RBFOX1: variants seen among roughly 807,000 people sequenced by gnomAD.
RBFOX1 encodes RNA binding protein fox-1 homolog 1.
A neutral mutation model predicts 57.7 loss-of-function variants in RBFOX1; 8 were observed. That is an observed-to-expected ratio of 0.14 (90% CI 0.08 to 0.25). RBFOX1 has a LOEUF of 0.25. Among genes scored for constraint, RBFOX1 ranks in the 10% least tolerant of loss-of-function variants. The pLI is 1.00. For missense variants in RBFOX1, 611 were observed against 548.5 expected (o/e 1.11, Z -1.14); for synonymous variants, 326 against 222.4 (o/e 1.47, Z -4.15).
At chr16:5,841,548 C>T (rs769595445) in intron 3 of RBFOX1, among the ~76,000 whole-genome samples, 1 of 152,206 alleles carries the variant, frequency 6.6e-6, no homozygotes, top group African/African-American at 2.4e-5. Context: ...TGGACACGTA[C>T]AACCAAACAT....
intron 2 of RBFOX1, among the ~76,000 whole-genome samples, chr16:6,558,959 T>C (rs960372110): frequency 1.3e-5 from 2 of 152,084 alleles, no homozygotes; most frequent in South Asian, 4.2e-4. Context: ...TACTTCTCCT[T>C]TCACTCTCTA....
intron 4 of RBFOX1, among the ~76,000 whole-genome samples, chr16:5,895,475 G>C (rs143341415): frequency 6.6e-6 from 1 of 152,216 alleles, no homozygotes; most frequent in African/African-American, 2.4e-5. Context: ...GAAAACGTAC[G>C]TGATTGAAAT....
chr16:6,426,483 A>G (rs2093932037), intron 2 of RBFOX1, among the ~76,000 whole-genome samples: 4 of 152,070 alleles, frequency 2.6e-5, no homozygotes, highest in Admixed American at 2.0e-4. Context: ...GGACTAAAAT[A>G]GGCCTGGTGT....
chr16:5,440,151 G>A (rs545931948), intron 1 of RBFOX1, among the ~76,000 whole-genome samples: 1 of 152,348 alleles, frequency 6.6e-6, no homozygotes, highest in South Asian at 2.1e-4. Flanking sequence ...AAGACCACTT[G>A]TAAAACTAAG....
At chr16:6,717,811 T>G (rs1384572208) in intron 3 of RBFOX1, among the ~76,000 whole-genome samples, 1 of 152,184 alleles carries the variant, frequency 6.6e-6, no homozygotes, top group African/African-American at 2.4e-5. Flanking sequence ...TATTGGGTAC[T>G]TCAGGCATTC....
intron 4 of RBFOX1, among the ~76,000 whole-genome samples, chr16:5,879,777 T>A (rs1311140290): frequency 1.3e-5 from 2 of 152,234 alleles, no homozygotes; most frequent in Non-Finnish European, 2.9e-5. Flanking sequence ...TCTATCCATC[T>A]GTTGACCTCG....
intron 4 of RBFOX1, among the ~76,000 whole-genome samples, chr16:7,110,187 CAAAAAA>C (rs59148096): frequency 1.5e-5 from 2 of 135,188 alleles, no homozygotes; most frequent in Admixed American, 7.5e-5. Context: ...CCCCGTGTCT[CAAAAAA>C]AAAAAAAAAA....
intron 3 of RBFOX1, among the ~76,000 whole-genome samples, chr16:7,008,492 A>C (rs753484370): frequency 3.7e-4 from 56 of 152,166 alleles, no homozygotes; most frequent in Non-Finnish European, 6.8e-4. Flanking sequence ...GTGATCTGAG[A>C]TCATACCACT....
intron 1 of RBFOX1, among the ~76,000 whole-genome samples, chr16:6,102,067 A>G (rs1261466998): frequency 6.6e-6 from 1 of 151,058 alleles, no homozygotes; most frequent in Non-Finnish European, 1.5e-5. Context: ...TTTGTTTCCT[A>G]TGTGTGTAGC....
intron 10 of RBFOX1, among the ~76,000 whole-genome samples, chr16:7,612,763 C>T (rs1359432963): frequency 5.3e-5 from 8 of 152,042 alleles, no homozygotes; most frequent in South Asian, 2.1e-4. Flanking sequence ...GTTGTCAGCA[C>T]GGGGCTGTCA....
chr16:5,538,156 T>A (rs2044774961), intron 2 of RBFOX1, among the ~76,000 whole-genome samples: 1 of 152,162 alleles, frequency 6.6e-6, no homozygotes. Flanking sequence ...AGGTCTGTAA[T>A]CTAGGGGGAG....
chr16:6,394,019 A>C (rs1365363021), intron 2 of RBFOX1, among the ~76,000 whole-genome samples: 2 of 152,204 alleles, frequency 1.3e-5, no homozygotes, highest in African/African-American at 4.8e-5. Flanking sequence ...TTAGAAGACT[A>C]TACTAAATTG....
intron 3 of RBFOX1, among the ~76,000 whole-genome samples, chr16:5,865,789 G>T (rs990501914): frequency 6.6e-6 from 1 of 152,166 alleles, no homozygotes; most frequent in Non-Finnish European, 1.5e-5. Flanking sequence ...TGGAGCCTGA[G>T]AGTTCAAGAT....
intron 3 of RBFOX1, among the ~76,000 whole-genome samples, chr16:6,696,687 A>G (rs912577561): frequency 8.9e-5 from 4 of 44,694 alleles, no homozygotes; most frequent in African/African-American, 2.3e-4. Flanking sequence ...TTATATCTCA[A>G]AGGAGATTTT....
chr16:6,132,243 C>T (rs1390969717), intron 1 of RBFOX1, among the ~76,000 whole-genome samples: 20 of 152,126 alleles, frequency 1.3e-4, no homozygotes, highest in Non-Finnish European at 8.8e-5. Context: ...GCAAGTATTC[C>T]CTTGGCTCTT....
chr16:6,724,688 A>G lies in RBFOX1; in HGVS notation c.-16+70038A>G, dbSNP rs1207564962. Among the ~76,000 whole-genome samples, 4 of 152,178 alleles carry G rather than the reference A, an allele frequency of 2.6e-5. No individual in the cohort carries two copies. In the East Asian group the frequency reaches 7.7e-4, roughly 29 times the overall value. On this transcript the variant is annotated intron_variant, in intron 3 of 15. Transcript: ENST00000550418. ...AGACTAAGACTGCCTCAAAGTCAAC[A>G]TTTAAGAGTTCAGATTAGACCATAT...
chr16:6,014,533 A>G (rs2094981654), upstream of RBFOX1, among the ~76,000 whole-genome samples: 1 of 152,144 alleles, frequency 6.6e-6, no homozygotes, highest in African/African-American at 2.4e-5. Context: ...AGCAATCAAT[A>G]ACTATATATT....
intron 3 of RBFOX1, among the ~76,000 whole-genome samples, chr16:6,887,165 T>C (rs1485293510): frequency 3.3e-5 from 5 of 152,314 alleles, no homozygotes; most frequent in African/African-American, 1.2e-4. Context: ...CTTCTTGTTA[T>C]TGTTGGTATA....
chr16:5,336,603 T>C (rs1444082733), intron 1 of RBFOX1, among the ~76,000 whole-genome samples: 2 of 152,202 alleles, frequency 1.3e-5, no homozygotes, highest in African/African-American at 4.8e-5. Context: ...CAGGAGAACC[T>C]CTTGGCATCG....
Sources: allele counts gnomAD v4.1 joint callset (sites outside exome capture counted in the v4.1 genomes callset), GRCh38; gene constraint gnomAD v4.1.1; transcripts MANE v1.5; gene names NCBI Gene and HGNC (gene_info 2026-07-23, HGNC 2026-07-21).